Variants in UGP2 observed in about 807,000 individuals in gnomAD.
UGP2 encodes the protein UDP-glucose pyrophosphorylase 2.
A neutral mutation model predicts 49.0 loss-of-function variants in UGP2; 40 were observed. The observed-to-expected ratio is 0.82, with a 90% CI of 0.63 to 1.06. UGP2 has a LOEUF of 1.06. Among genes scored for constraint, UGP2 ranks in the 50% least tolerant of loss-of-function variants. The probability of loss-of-function intolerance (pLI) is 0.00; values close to 1 mark genes in which losing one functional copy is unlikely to be tolerated. For missense variants in UGP2, 460 were observed against 603.5 expected (o/e 0.76, Z 2.49); for synonymous variants, 225 against 213.0 (o/e 1.06, Z -0.49).
At chr2:63,869,944 A>G (rs188521901) in intron 3 of UGP2, among the ~76,000 whole-genome samples, 1 of 139,264 alleles carries the variant, frequency 7.2e-6, no homozygotes, top group East Asian at 2.0e-4. Context: ...TTTTTTTGAG[A>G]CAGAGTCTCG....
intron 3 of UGP2, among the ~76,000 whole-genome samples, chr2:63,878,546 T>C (rs911971776): frequency 6.6e-6 from 1 of 152,212 alleles, no homozygotes; most frequent in African/African-American, 2.4e-5. Context: ...AATAAAACTT[T>C]CCAGTAACAT....
intron 2 of UGP2, 22 bp downstream of exon 2, chr2:63,856,455 T>A (rs372969642): frequency 2.3e-4 from 363 of 1,601,142 alleles, no homozygotes; most frequent in Non-Finnish European, 2.6e-4. Context: ...TCTACAGTGT[T>A]CCACCCCCCC....
intron 3 of UGP2, among the ~76,000 whole-genome samples, chr2:63,864,013 CA>C (rs1208743197): frequency 1.3e-5 from 2 of 152,136 alleles, no homozygotes; most frequent in African/African-American, 4.8e-5. Flanking sequence ...CAAGAAACAC[CA>C]TTTCAAAGGG....
intron 1 of UGP2, chr2:63,842,690 T>C (rs1047554530): frequency 2.6e-5 from 33 of 1,248,234 alleles, no homozygotes; most frequent in Admixed American, 6.7e-5. Flanking sequence ...GATTCACTTA[T>C]TGCGAAACTG....
chr2:63,857,763 T>C, intron 2 of UGP2, 66 bp from the exon 3 acceptor site: 2 of 1,433,904 alleles, frequency 1.4e-6, no homozygotes, highest in Non-Finnish European at 1.9e-6. Context: ...AACTTGTATC[T>C]GTCTTTATGT....
chr2:63,861,700 A>C (rs921331752), intron 3 of UGP2, among the ~76,000 whole-genome samples: 12 of 151,696 alleles, frequency 7.9e-5, no homozygotes, highest in Admixed American at 7.2e-4. Flanking sequence ...AAAAAAAAAA[A>C]AAACAAAAAA....
intron 5 of UGP2, among the ~76,000 whole-genome samples, chr2:63,885,284 T>A (rs1050038288): frequency 3.9e-5 from 6 of 152,026 alleles, no homozygotes; most frequent in African/African-American, 1.4e-4. Context: ...TTGAGAAAAT[T>A]TACTTGATAC....
chr2:63,842,739 G>A, intron 1 of UGP2: 1 of 761,026 alleles, frequency 1.3e-6, no homozygotes, highest in South Asian at 2.8e-5. Context: ...TTCAGCTGGA[G>A]AAATGACTTT....
chr2:63,844,779 C>T (rs1671817741), intron 1 of UGP2, among the ~76,000 whole-genome samples: 1 of 152,160 alleles, frequency 6.6e-6, no homozygotes, highest in South Asian at 2.1e-4. Context: ...TCAGGCTGGT[C>T]TCAAACTCCT....
intron 3 of UGP2, among the ~76,000 whole-genome samples, chr2:63,867,416 A>G (rs939730322): frequency 1.3e-5 from 2 of 152,200 alleles, no homozygotes; most frequent in Non-Finnish European, 2.9e-5. Flanking sequence ...AAAAGAACCT[A>G]CTTTATAGGA....
At chr2:63,852,900 G>T (rs929547218) in intron 1 of UGP2, among the ~76,000 whole-genome samples, 3 of 152,166 alleles carry the variant, frequency 2.0e-5, no homozygotes, top group Admixed American at 6.5e-5. Context: ...AATTTAGTTT[G>T]GATGATCAGT....
At chr2:63,883,561 A>G (rs926676751) in intron 4 of UGP2, among the ~76,000 whole-genome samples, 2 of 152,222 alleles carry the variant, frequency 1.3e-5, no homozygotes, top group African/African-American at 2.4e-5. Flanking sequence ...AGATGTTAAC[A>G]TAGAGTAAAT....
chr2:63,849,905 A>G (rs1307317081), intron 1 of UGP2, among the ~76,000 whole-genome samples: 4 of 152,218 alleles, frequency 2.6e-5, no homozygotes, highest in African/African-American at 9.6e-5. Context: ...AAATGCACAC[A>G]TAGCAAGTTA....
Position 63,882,446 on chromosome 2 carries a change from T to C in UGP2, c.256-20T>C. Reference sequence around the variant, plus strand: ...CTTAAAGCTGTTTAAATTACTCCTATAATGTTATTTTTCTTTCAGATTCAA... The same window carrying C: ...CTTAAAGCTGTTTAAATTACTCCTACAATGTTATTTTTCTTTCAGATTCAA... On this transcript the variant is annotated intron_variant, in intron 3 of 9. Transcript: ENST00000337130. The C allele has an allele frequency of 6.4e-7, 1 of 1,552,772 alleles. No individual in the cohort carries two copies. Among genetic ancestry groups the C allele is most frequent in the Non-Finnish European group, 8.8e-7 (1 of 1,139,696 alleles).
chr2:63,856,729 C>G (rs897692834), intron 2 of UGP2: 2 of 486,758 alleles, frequency 4.1e-6, no homozygotes, highest in Admixed American at 2.3e-5. Flanking sequence ...GAAATGCATA[C>G]CTGTGTTCAG....
At chr2:63,885,391 A>G (rs772049721) in intron 5 of UGP2, among the ~76,000 whole-genome samples, 198 bp from the exon 6 acceptor site, 30 of 152,324 alleles carry the variant, frequency 2.0e-4, no homozygotes, top group Non-Finnish European at 2.6e-4. Flanking sequence ...TGCAGCAGCT[A>G]TCACCATCTG....
intron 2 of UGP2, 138 bp downstream of exon 2, chr2:63,856,571 A>G (rs1016001860): frequency 6.0e-5 from 58 of 973,572 alleles, no homozygotes; most frequent in Non-Finnish European, 8.4e-5. Flanking sequence ...CAAAAAAATT[A>G]GAATTGCTTA....
At position 63,842,005 on chromosome 2, in the gene UGP2, C is replaced by T. The variant is rs1671579845; in HGVS notation, c.-181C>T. 1 of 687,800 alleles carries T rather than the reference C, an allele frequency of 1.5e-6. No individual in the cohort carries two copies. The allele number at this position is 687,800 out of a possible 1,614,324, so 42.6% of individuals were successfully genotyped here. A position where few individuals can be genotyped will look rare whatever the true frequency, so the allele number is the denominator to read the frequency against. On this transcript the variant is annotated 5_prime_UTR_variant, in exon 1 of 10. Coordinates refer to ENST00000337130, the MANE Select transcript of UGP2 (RefSeq NM_006759.4). Reference sequence around the variant, plus strand: ...AATTGGGGAAGGAGTTTCTTTCTTTCTTTTCTTTTTTCTTGAGCCAGTTTT... The same window carrying T: ...AATTGGGGAAGGAGTTTCTTTCTTTTTTTTCTTTTTTCTTGAGCCAGTTTT...
intron 1 of UGP2, among the ~76,000 whole-genome samples, chr2:63,849,303 G>A (rs1389029756): frequency 1.3e-5 from 2 of 152,188 alleles, no homozygotes; most frequent in Non-Finnish European, 2.9e-5. Context: ...TGGCCACAAT[G>A]AAAATGTGAT....
Sources: allele counts gnomAD v4.1 joint callset (sites outside exome capture counted in the v4.1 genomes callset), GRCh38; gene constraint gnomAD v4.1.1; transcripts MANE v1.5; gene names NCBI Gene and HGNC (gene_info 2026-07-23, HGNC 2026-07-21).